Variants in TGFB2 observed in about 807,000 individuals in gnomAD.
The protein encoded by TGFB2 is transforming growth factor beta 2.
In TGFB2, 13 loss-of-function variants were observed where a neutral mutation model predicts 42.7. That is an observed-to-expected ratio of 0.30 (90% CI 0.20 to 0.48). The LOEUF (loss-of-function observed/expected upper bound fraction) is 0.48. Ranked by LOEUF, TGFB2 falls within the 20% of genes least tolerant of loss-of-function variation. The pLI is 0.99. For missense variants in TGFB2, 390 were observed against 517.5 expected (o/e 0.75, Z 2.39); for synonymous variants, 193 against 193.6 (o/e 1.00, Z 0.03).
chr1:218,375,706 A>C (rs1657719590), intron 1 of TGFB2, among the ~76,000 whole-genome samples: 1 of 152,208 alleles, frequency 6.6e-6, no homozygotes, highest in Non-Finnish European at 1.5e-5. Context: ...GAAAAGAAGA[A>C]AAGTGGTACC....
At chr1:218,409,022 G>T (rs558446240) in intron 2 of TGFB2, among the ~76,000 whole-genome samples, 1 of 152,276 alleles carries the variant, frequency 6.6e-6, no homozygotes, top group Non-Finnish European at 1.5e-5. Flanking sequence ...CATAAGGAGC[G>T]TGCAACCTAG....
At chr1:218,360,260 T>C (rs1657167093) in intron 1 of TGFB2, among the ~76,000 whole-genome samples, 1 of 152,256 alleles carries the variant, frequency 6.6e-6, no homozygotes, top group African/African-American at 2.4e-5. Context: ...TTTTGTTTTG[T>C]TGCTTTATTT....
intron 1 of TGFB2, among the ~76,000 whole-genome samples, chr1:218,394,472 CT>C (rs1185244800): frequency 9.2e-5 from 14 of 151,596 alleles, no homozygotes; most frequent in African/African-American, 3.1e-4. Flanking sequence ...TGTTATTTTA[CT>C]TTTTTTTTGC....
chr1:218,385,937 G>A (rs776910758), intron 1 of TGFB2, among the ~76,000 whole-genome samples: 1 of 152,128 alleles, frequency 6.6e-6, no homozygotes, highest in Non-Finnish European at 1.5e-5. Flanking sequence ...TAAGTTCAGA[G>A]AGACTCCCAT....
intron 2 of TGFB2, among the ~76,000 whole-genome samples, chr1:218,432,282 C>T (rs967480291): frequency 7.2e-5 from 11 of 152,110 alleles, no homozygotes; most frequent in Admixed American, 3.9e-4. Context: ...GTACCCAGCC[C>T]TCAAGTCATG....
chr1:218,382,407 G>A (rs532520653), intron 1 of TGFB2, among the ~76,000 whole-genome samples: 1 of 152,164 alleles, frequency 6.6e-6, no homozygotes, highest in Non-Finnish European at 1.5e-5. Context: ...GGTTAGTGCT[G>A]TCAGTGGAAG....
In TGFB2 at chr1:218,363,529, C is replaced by T. The variant is rs1657286834; in HGVS notation, c.346+16482C>T. 5 of 1,080,476 alleles carry T rather than the reference C, an allele frequency of 4.6e-6. No individual in the cohort carries two copies. In the Admixed American group the frequency reaches 7.8e-5, roughly 17 times the overall value. The allele number at this position is 1,080,476 out of a possible 1,614,324, so 66.9% of individuals were successfully genotyped here. ...AGAGGCAAGATGAGATTCTGAAATG[C>T]AGCCTTGTACCTGAGCGATCACAAA... On this transcript the variant is annotated intron_variant, in intron 1 of 6. Transcript: ENST00000366930.
intron 6 of TGFB2, among the ~76,000 whole-genome samples, chr1:218,440,547 G>A (rs1011289309): frequency 6.6e-6 from 1 of 152,184 alleles, no homozygotes; most frequent in African/African-American, 2.4e-5. Flanking sequence ...ACCGTGCCCA[G>A]CCTGTAGAAA....
At chr1:218,437,861 A>G (rs1356765479) in intron 6 of TGFB2, among the ~76,000 whole-genome samples, 1 of 152,160 alleles carries the variant, frequency 6.6e-6, no homozygotes, top group Non-Finnish European at 1.5e-5. Context: ...TTATTGATAC[A>G]TAATTGCATA....
chr1:218,358,694 AC>A (rs559508938), intron 1 of TGFB2, among the ~76,000 whole-genome samples: 1 of 151,178 alleles, frequency 6.6e-6, no homozygotes, highest in Non-Finnish European at 1.5e-5. Context: ...GACTACAGGC[AC>A]CCCCCACCAT....
chr1:218,395,515 T>C (rs1658476520), intron 1 of TGFB2, among the ~76,000 whole-genome samples: 2 of 152,198 alleles, frequency 1.3e-5, no homozygotes, highest in South Asian at 4.1e-4. Context: ...CAGGATATTA[T>C]ACTGAAAAGC....
In TGFB2 at chr1:218,345,514, A is replaced by G; in HGVS notation, c.-1188A>G. On this transcript the variant is annotated 5_prime_UTR_variant, in exon 1 of 7. Transcript: ENST00000366930. Reference sequence around the variant, plus strand: ...AGAATATTAGCCTGACGGTCTAGGGAGTCATCCAGGAACAAACTGAGGGGC... The same window carrying G: ...AGAATATTAGCCTGACGGTCTAGGGGGTCATCCAGGAACAAACTGAGGGGC... 6.5e-6 allele frequency: 1 copy of G among 153,176 alleles called. No individual in the cohort carries two copies. Among genetic ancestry groups the G allele is most frequent in the Non-Finnish European group, 1.5e-5 (1 of 68,760 alleles). 9.5% of individuals were successfully genotyped at this position (153,176 alleles called of 1,614,324 possible).
chr1:218,352,737 T>C (rs1656909014), intron 1 of TGFB2, among the ~76,000 whole-genome samples: 2 of 152,218 alleles, frequency 1.3e-5, no homozygotes, highest in Non-Finnish European at 2.9e-5. Flanking sequence ...AAACTGCCCC[T>C]TGGCCTCTTC....
chr1:218,410,507 C>A (rs1247558439), intron 2 of TGFB2, among the ~76,000 whole-genome samples: 1 of 152,134 alleles, frequency 6.6e-6, no homozygotes, highest in Non-Finnish European at 1.5e-5. Context: ...ACCTCTTTCA[C>A]GTTAACAAAC....
At chr1:218,437,228 T>A in intron 5 of TGFB2, 115 bp from the exon 6 acceptor site, 1 of 1,027,616 alleles carries the variant, frequency 9.7e-7, no homozygotes, top group Non-Finnish European at 1.4e-6. Context: ...GCTCATTAGA[T>A]GTTTGTTGAA....
At chr1:218,374,127 T>G (rs777799783) in intron 1 of TGFB2, among the ~76,000 whole-genome samples, 2 of 152,240 alleles carry the variant, frequency 1.3e-5, no homozygotes, top group Non-Finnish European at 2.9e-5. Context: ...TTTTGTTCCC[T>G]GAATAGGACA....
intron 1 of TGFB2, among the ~76,000 whole-genome samples, chr1:218,354,185 T>C (rs1656957782): frequency 6.6e-6 from 1 of 152,170 alleles, no homozygotes. Context: ...GTTTGACAAA[T>C]GGATGAGCAT....
intron 2 of TGFB2, among the ~76,000 whole-genome samples, chr1:218,419,299 T>C (rs1370729480): frequency 6.6e-6 from 1 of 152,014 alleles, no homozygotes; most frequent in Non-Finnish European, 1.5e-5. Flanking sequence ...CCCACAGTGC[T>C]TTTCCCAACT....
In TGFB2 at chr1:218,444,100, C is replaced by A. The variant is rs1033986309; in HGVS notation, c.*2738C>A. The stretch of plus-strand genomic sequence containing the variant: ...AAAAGTCATACCACCTTTCCGATTG[C>A]CCTCTGTGCTTTCTCCCTTAAGGAC... On this transcript the variant is annotated 3_prime_UTR_variant, in exon 7 of 7. Coordinates refer to ENST00000366930, the MANE Select transcript of TGFB2 (RefSeq NM_003238.6). The A allele has an allele frequency of 3.3e-5, 5 of 152,102 alleles. No homozygotes were observed. The highest frequency in any genetic ancestry group is 7.4e-5 in the Non-Finnish European group (5 of 68,020). 9.4% of individuals were successfully genotyped at this position (152,102 alleles called of 1,614,324 possible). A position where few individuals can be genotyped will look rare whatever the true frequency, so the allele number is the denominator to read the frequency against.
Sources: gnomAD v4.1 joint callset for allele counts (sites outside exome capture counted in the v4.1 genomes callset) on GRCh38, gnomAD v4.1.1 for gene constraint, MANE v1.5 for transcripts, NCBI Gene and HGNC (gene_info 2026-07-23, HGNC 2026-07-21) for gene names.